Variants in MMP15 observed in about 807,000 individuals in gnomAD.
The protein encoded by MMP15 is matrix metallopeptidase 15, also known as matrix metalloproteinase-15.
In MMP15, 36 loss-of-function variants were observed where a neutral mutation model predicts 65.0. The observed-to-expected ratio is 0.55, with a 90% CI of 0.42 to 0.73. MMP15 has a LOEUF of 0.73. Ranked by LOEUF, MMP15 falls within the 30% of genes least tolerant of loss-of-function variation. The probability of loss-of-function intolerance (pLI) is 0.00; values close to 1 mark genes in which losing one functional copy is unlikely to be tolerated. For missense variants in MMP15, 870 were observed against 987.8 expected, an observed-to-expected ratio of 0.88 and a Z score of 1.60; for synonymous variants, 428 against 410.2, an observed-to-expected ratio of 1.04 and a Z score of -0.52.
At chr16:58,034,285 C>T (rs1689488912) in intron 1 of MMP15, among the ~76,000 whole-genome samples, 1 of 152,208 alleles carries the variant, frequency 6.6e-6, no homozygotes, top group Admixed American at 6.5e-5. Flanking sequence ...GCCTTTTGCC[C>T]AGTGGCAGCA....
Position 58,037,498 on chromosome 16 carries a change from G to A in MMP15, c.189G>A (p.Leu63=), listed in dbSNP as rs757335406. ...AENWLRLYGY[L]PQPSRHMSTM... ...ACTGGCTGCGGCTTTATGGCTACCT[G>A]CCTCAGCCCAGCCGCCATATGTCCA... is the stretch of plus-strand genomic sequence containing the variant. The change falls in exon 2 of 10, where the codon CTG becomes CTA. Residue 63 remains leucine (L), a synonymous_variant. Coordinates refer to ENST00000219271, the MANE Select transcript of MMP15 (RefSeq NM_002428.4). The A allele has an allele frequency of 5.6e-6, 9 of 1,613,372 alleles. No homozygotes were observed. The South Asian group carries it at 6.6e-5, about 12-fold the overall frequency.
rs1201229078 is a variant in MMP15 at position 58,032,719 on chromosome 16, C to T, written c.163-4753C>T. Among the ~76,000 whole-genome samples the T allele has an allele frequency of 2.6e-5, 4 of 152,168 alleles. No homozygotes were observed. The East Asian group carries it at 5.9e-4, about 22-fold the overall frequency. ...AGCTGGGCACAGCCTTGGCCTGCTC[C>T]CTAGAGCCCTCCATACCAAGACTAT... is the stretch of plus-strand genomic sequence containing the variant. On this transcript the variant is annotated intron_variant, in intron 1 of 9. Transcript: ENST00000219271.
chr16:58,029,293 A>C (rs542251419), intron 1 of MMP15, among the ~76,000 whole-genome samples: 1 of 152,294 alleles, frequency 6.6e-6, no homozygotes, highest in South Asian at 2.1e-4. Flanking sequence ...TAGCACTTCC[A>C]TGCTGGCTCC....
intron 6 of MMP15, 72 bp downstream of exon 6, chr16:58,041,942 A>T: frequency 6.8e-7 from 1 of 1,480,202 alleles, no homozygotes; most frequent in Non-Finnish European, 9.0e-7. Context: ...TCCCACCCTC[A>T]CTCAGCAGGC....
rs1417033378 is a variant in MMP15, at chr16:58,040,169, C to T, written c.735C>T (p.Ser245=). The T allele has an allele frequency of 4.3e-6, 7 of 1,609,396 alleles. No homozygotes were observed. The highest frequency in any genetic ancestry group is 5.9e-6 in the Non-Finnish European group (7 of 1,178,954). ...CAGATGAGCCCTGGACCTTCTCCAG[C>T]ACTGACCTGCATGGTGAGGACAGCT... ...FDADEPWTFS[S]TDLHGNNLFL... is the part of the protein sequence containing the mutation. Residue 245 remains serine (S), a synonymous_variant, in exon 4 of 10, where the codon AGC becomes AGT. Transcript: ENST00000219271.
chr16:58,026,611 G>GCGCC (rs1257361573), intron 1 of MMP15, 99 bp downstream of exon 1: 2 of 1,229,490 alleles, frequency 1.6e-6, no homozygotes, highest in Non-Finnish European at 2.1e-6. Flanking sequence ...GAGCGGAGAC[G>GCGCC]CGCCCCCTGT....
chr16:58,042,732 G>A (rs1959481827), intron 7 of MMP15, among the ~76,000 whole-genome samples: 1 of 152,238 alleles, frequency 6.6e-6, no homozygotes, highest in African/African-American at 2.4e-5. Context: ...ACGAGGTCTT[G>A]CAGGGCAGCG....
At chr16:58,044,917 T>C (rs1959523450) in intron 9 of MMP15, 90 bp from the exon 10 acceptor site, 2 of 1,418,960 alleles carry the variant, frequency 1.4e-6, no homozygotes, top group Non-Finnish European at 2.0e-6. Context: ...AGAAGGGTGT[T>C]TTGAAGCCCT....
intron 6 of MMP15, 108 bp from the exon 7 acceptor site, chr16:58,042,123 T>C (rs1959469828): frequency 2.2e-6 from 3 of 1,390,448 alleles, no homozygotes; most frequent in Non-Finnish European, 2.9e-6. Flanking sequence ...TATCTCAGTG[T>C]CCTCCCCTTG....
In MMP15 at chr16:58,043,775, A is replaced by G. The variant is rs1483316644; in HGVS notation, c.1570+148A>G. On this transcript the variant is annotated intron_variant, in intron 9 of 9. Coordinates refer to ENST00000219271, the MANE Select transcript of MMP15 (RefSeq NM_002428.4). The stretch of plus-strand genomic sequence containing the variant: ...CACGCTCTGGGCTGGGAGCTTACCT[A>G]GCTTGACACCCTGGTCCTTCCTGCA... 4 of 599,738 alleles carry G rather than the reference A, an allele frequency of 6.7e-6. No homozygotes were observed. The African/African-American group carries it at 7.5e-5, about 11-fold the overall frequency. The allele number at this position is 599,738 out of a possible 1,614,324, so 37.2% of individuals were successfully genotyped here. A position where few individuals can be genotyped will look rare whatever the true frequency, so the allele number is the denominator to read the frequency against.
At position 58,045,053 on chromosome 16, in the gene MMP15, T is replaced by C. The variant is rs752105199; in HGVS notation, c.1617T>C (p.Asn539=). 13 of 1,613,258 alleles carry C rather than the reference T, an allele frequency of 8.1e-6. No homozygotes were observed. The Admixed American group carries it at 1.7e-4, about 21-fold the overall frequency. The change falls in exon 10 of 10, where the codon AAT becomes AAC. Residue 539 remains asparagine, a synonymous_variant. Transcript: ENST00000219271. ...GCACCAAATACTGGAAATTCGACAA[T>C]GAGCGCCTGCGGATGGAGCCCGGCT... The part of the protein sequence containing the change: ...YKGTKYWKFD[N]ERLRMEPGYP...
At chr16:58,033,192 C>T (rs1302211533) in intron 1 of MMP15, among the ~76,000 whole-genome samples, 3 of 152,168 alleles carry the variant, frequency 2.0e-5, no homozygotes, top group Non-Finnish European at 4.4e-5. Context: ...CCGGAGATGT[C>T]GGGTGTGGGG....
At chr16:58,040,261 G>T (rs1374551140) in intron 4 of MMP15, 79 bp downstream of exon 4, 9 of 1,430,024 alleles carry the variant, frequency 6.3e-6, no homozygotes, top group Non-Finnish European at 8.5e-6. Context: ...AGTGGGTTCA[G>T]CAGCCGCGGG....
At position 58,025,828 on chromosome 16, in the gene MMP15, C is replaced by T. The variant is rs1223684475; in HGVS notation, c.-523C>T. 1 of 151,984 alleles carries T rather than the reference C, an allele frequency of 6.6e-6. No homozygotes were observed. Among genetic ancestry groups the T allele is most frequent in the Non-Finnish European group, 1.5e-5 (1 of 67,982 alleles). The allele number at this position is 151,984 out of a possible 1,614,324, so 9.4% of individuals were successfully genotyped here. A position where few individuals can be genotyped will look rare whatever the true frequency, so the allele number is the denominator to read the frequency against. On this transcript the variant is annotated 5_prime_UTR_variant, in exon 1 of 10. Transcript: ENST00000219271. ...GGGCGCCCGCTCCTTGGCTGGCTCG[C>T]TTGCTCTCTCGCTCGCTCTCTCGGG... is the stretch of plus-strand genomic sequence containing the variant.
chr16:58,043,705 AG>A, intron 9 of MMP15, 78 bp downstream of exon 9: 6 of 1,069,078 alleles, frequency 5.6e-6, no homozygotes, highest in Non-Finnish European at 8.1e-6. Context: ...GGCTTGCCCA[AG>A]GTCACCCGGC....
At chr16:58,035,930 C>T (rs1959322287) in intron 1 of MMP15, among the ~76,000 whole-genome samples, 1 of 152,210 alleles carries the variant, frequency 6.6e-6, no homozygotes, top group African/African-American at 2.4e-5. Flanking sequence ...GGTGCCAGGG[C>T]TGGGCTGGTG....
chr16:58,041,460 A>G (rs1230541091), intron 5 of MMP15, among the ~76,000 whole-genome samples, 157 bp from the exon 6 acceptor site: 2 of 152,132 alleles, frequency 1.3e-5, no homozygotes, highest in African/African-American at 2.4e-5. Context: ...AGGAGGACCC[A>G]GGTCCCACCG....
intron 1 of MMP15, among the ~76,000 whole-genome samples, chr16:58,036,958 G>A (rs765919220): frequency 6.6e-6 from 1 of 152,188 alleles, no homozygotes; most frequent in Non-Finnish European, 1.5e-5. Flanking sequence ...GGAAGGAGGG[G>A]GTGCAGGGTA....
chr16:58,033,943 G>A (rs1959282671), intron 1 of MMP15, among the ~76,000 whole-genome samples: 1 of 152,196 alleles, frequency 6.6e-6, no homozygotes, highest in Non-Finnish European at 1.5e-5. Context: ...ACAGTGGCAG[G>A]TGCCCCCCAC....
Sources: allele counts gnomAD v4.1 joint callset (sites outside exome capture counted in the v4.1 genomes callset), GRCh38; gene constraint gnomAD v4.1.1; transcripts MANE v1.5; gene names NCBI Gene and HGNC (gene_info 2026-07-23, HGNC 2026-07-21).